The following BTBD9 variants were observed in gnomAD, a reference collection of about 807,000 sequenced individuals.
BTBD9 encodes the protein BTB/POZ domain-containing protein 9.
In BTBD9, 49 loss-of-function variants were observed where a neutral mutation model predicts 64.3. The observed-to-expected ratio is 0.76, with a 90% CI of 0.61 to 0.97. BTBD9 has a LOEUF of 0.97. BTBD9 is among the 50% of genes least tolerant of loss of function. The pLI is 0.00. For synonymous variants in BTBD9, 260 were observed against 274.7 expected (o/e 0.95, Z 0.53); for missense variants, 598 against 762.1 (o/e 0.78, Z 2.53).
Position 38,195,726 on chromosome 6 carries a change from ATTT to A in BTBD9, c.1563-3132_1563-3130del, listed in dbSNP as rs1300654449. Among the ~76,000 whole-genome samples the A allele has an allele frequency of 7.2e-5, 11 of 152,194 alleles. No homozygotes were observed. In the South Asian group the frequency reaches 1.5e-3, roughly 20 times the overall value. On this transcript the variant is annotated intron_variant, in intron 9 of 10. Coordinates refer to ENST00000481247, the MANE Select transcript of BTBD9 (RefSeq NM_001099272.2). ...ACGTATTATTTTTAAATTTTTAATT[ATTT>A]TTTATTTAATAAAAATTTTAAACTT...
intron 6 of BTBD9, among the ~76,000 whole-genome samples, chr6:38,499,095 T>A (rs1772083697): frequency 6.6e-6 from 1 of 152,154 alleles, no homozygotes; most frequent in Non-Finnish European, 1.5e-5. Context: ...TATTTTCTCT[T>A]TAATTTTGCT....
In BTBD9 at chr6:38,515,110, T is replaced by C. The variant is rs369832354; in HGVS notation, c.1154+62490A>G. 1.2e-4 allele frequency among the ~76,000 whole-genome samples: 19 copies of C among 152,358 alleles called. 1 individual carries two copies. The highest frequency in any genetic ancestry group is 4.3e-4 in the African/African-American group (18 of 41,576). On this transcript the variant is annotated intron_variant, in intron 6 of 10. Coordinates refer to ENST00000481247, the MANE Select transcript of BTBD9 (RefSeq NM_001099272.2). ...AAAAAAAAAAGGTAATTTTCCAGTT[T>C]TACAGATGCTTCCAGAATTCTGTCT...
intron 8 of BTBD9, among the ~76,000 whole-genome samples, chr6:38,287,965 A>G (rs1761810525): frequency 6.6e-6 from 1 of 152,168 alleles, no homozygotes; most frequent in African/African-American, 2.4e-5. Flanking sequence ...CTATCTTGAC[A>G]TTATCCTATA....
intron 7 of BTBD9, among the ~76,000 whole-genome samples, chr6:38,301,453 A>C (rs1229691223): frequency 6.6e-6 from 1 of 152,052 alleles, no homozygotes; most frequent in East Asian, 1.9e-4. Flanking sequence ...TCCTCCTTGT[A>C]CCTCTGGTAG....
chr6:38,595,116 T>C (rs1414523594), intron 2 of BTBD9, among the ~76,000 whole-genome samples: 1 of 152,164 alleles, frequency 6.6e-6, no homozygotes, highest in Non-Finnish European at 1.5e-5. Flanking sequence ...GTAAATAAAA[T>C]TGCAGATCCA....
At chr6:38,596,171 G>T in intron 2 of BTBD9, 4 of 536,624 alleles carry the variant, frequency 7.5e-6, no homozygotes, top group Non-Finnish European at 9.5e-6. Flanking sequence ...CCTGTCTAAG[G>T]TAGCATTGAG....
In BTBD9 at chr6:38,192,595, G is replaced by A. The variant is rs1454736377; in HGVS notation, c.1565C>T (p.Ser522Phe). The stretch of plus-strand genomic sequence containing the variant: ...CCTTTCAAAAGTTACTGACTGCCAG[G>A]ACCTGTGAGAGGAAACAACCATTTG... ...VADRTKVSCK[S>F]WQSVTFERQP... Residue 522 changes from serine (S) to phenylalanine (F), a missense_variant and splice_region_variant, in exon 10 of 11, where the codon TCC becomes TTC. Coordinates refer to ENST00000481247, the MANE Select transcript of BTBD9 (RefSeq NM_001099272.2). 1 of 1,613,614 alleles carries A rather than the reference G, an allele frequency of 6.2e-7. No homozygotes were observed. The highest frequency in any genetic ancestry group is 1.1e-5 in the South Asian group (1 of 90,998).
chr6:38,395,617 A>G (rs1185244931), intron 6 of BTBD9, among the ~76,000 whole-genome samples: 1 of 152,230 alleles, frequency 6.6e-6, no homozygotes, highest in Non-Finnish European at 1.5e-5. Context: ...TGTTAGTAAC[A>G]TAAGACAGCG....
At chr6:38,633,862 AT>A (rs920676432) in intron 1 of BTBD9, among the ~76,000 whole-genome samples, 3 of 152,046 alleles carry the variant, frequency 2.0e-5, no homozygotes, top group African/African-American at 7.2e-5. Flanking sequence ...CCTTGAATAC[AT>A]AAGGCTGAAT....
chr6:38,481,823 CG>C (rs1461384967), intron 6 of BTBD9: 1 of 152,210 alleles, frequency 6.6e-6, no homozygotes, highest in African/African-American at 2.4e-5. Context: ...TTCCTTTCAG[CG>C]CAACTTATTT....
intron 6 of BTBD9, among the ~76,000 whole-genome samples, chr6:38,364,294 T>C (rs1169091207): frequency 6.6e-6 from 1 of 152,202 alleles, no homozygotes; most frequent in Non-Finnish European, 1.5e-5. Context: ...AGCGCTGTCA[T>C]GCTGACAGGG....
At chr6:38,618,200 C>A (rs1777854984) in intron 1 of BTBD9, among the ~76,000 whole-genome samples, 1 of 152,174 alleles carries the variant, frequency 6.6e-6, no homozygotes, top group Admixed American at 6.5e-5. Context: ...CCACTGGGAC[C>A]AATTTGACCC....
chr6:38,331,057 A>T (rs1174706556), intron 7 of BTBD9, among the ~76,000 whole-genome samples: 1 of 152,268 alleles, frequency 6.6e-6, no homozygotes, highest in Non-Finnish European at 1.5e-5. Flanking sequence ...ATAACTCAAA[A>T]TTAAAAATAT....
At chr6:38,593,346 G>A (rs552342429) in intron 3 of BTBD9, among the ~76,000 whole-genome samples, 46 of 152,130 alleles carry the variant, frequency 3.0e-4, no homozygotes, top group African/African-American at 9.6e-4. Flanking sequence ...AATGAAATAG[G>A]ATAACACAGA....
intron 4 of BTBD9, among the ~76,000 whole-genome samples, chr6:38,583,782 G>C (rs1336570682): frequency 6.6e-6 from 1 of 152,138 alleles, no homozygotes; most frequent in Non-Finnish European, 1.5e-5. Context: ...TTCATTCCCT[G>C]AGAGTATTTT....
At chr6:38,351,922 T>C (rs1764532620) in intron 6 of BTBD9, among the ~76,000 whole-genome samples, 1 of 152,200 alleles carries the variant, frequency 6.6e-6, no homozygotes, top group African/African-American at 2.4e-5. Context: ...GAAATTATAT[T>C]TTGAATTAAT....
At chr6:38,507,054 T>C (rs977446379) in intron 6 of BTBD9, among the ~76,000 whole-genome samples, 2 of 152,192 alleles carry the variant, frequency 1.3e-5, no homozygotes, top group African/African-American at 4.8e-5. Flanking sequence ...TCCTCTTTCC[T>C]AGGCTCTTCT....
At position 38,373,520 on chromosome 6, in the gene BTBD9, G is replaced by A. The variant is rs141184964; in HGVS notation, c.1155-28427C>T. ...CAGAAGGCATTCTGCTATACCTAGTGTTGGGAGGTGCATATAAACTTGTTT... is the reference window on the plus strand; with the variant it reads ...CAGAAGGCATTCTGCTATACCTAGTATTGGGAGGTGCATATAAACTTGTTT... On this transcript the variant is annotated intron_variant, in intron 6 of 10. Transcript: ENST00000481247. Among the ~76,000 whole-genome samples the A allele has an allele frequency of 7.9e-3, 1,201 of 152,202 alleles. 13 individuals carry two copies. The highest frequency in any genetic ancestry group is 0.011 in the Non-Finnish European group (728 of 68,006).
chr6:38,404,368 TATC>T (rs1159872537), intron 6 of BTBD9, among the ~76,000 whole-genome samples: 1 of 152,210 alleles, frequency 6.6e-6, no homozygotes, highest in Non-Finnish European at 1.5e-5. Context: ...GAGTCTTTAA[TATC>T]TTCAAACAGT....
Sources: allele counts gnomAD v4.1 joint callset (sites outside exome capture counted in the v4.1 genomes callset), GRCh38; gene constraint gnomAD v4.1.1; transcripts MANE v1.5; gene names NCBI Gene and HGNC (gene_info 2026-07-23, HGNC 2026-07-21).